TMEM144: variants seen among roughly 807,000 people sequenced by gnomAD.
TMEM144 encodes transmembrane protein 144.
TMEM144 carries 39 observed loss-of-function variants against 43.6 expected under a neutral mutation model. The observed-to-expected ratio is 0.90, with a 90% CI of 0.69 to 1.17. TMEM144 has a LOEUF of 1.17. Ranked by LOEUF, TMEM144 falls within the 50% of genes most tolerant of loss-of-function variation. The pLI, the probability that TMEM144 is intolerant of heterozygous loss-of-function variation, is 0.00. For missense variants in TMEM144, 417 were observed against 411.9 expected (o/e 1.01, Z -0.11); for synonymous variants, 154 against 133.6 (o/e 1.15, Z -1.06).
At chr4:158,235,545 A>G (rs1249899299) in intron 8 of TMEM144, 40 bp downstream of exon 8, 1 of 1,563,598 alleles carries the variant, frequency 6.4e-7, no homozygotes, top group Non-Finnish European at 8.7e-7. Context: ...ACTCTGTTTC[A>G]TATTTGGTTA....
intron 6 of TMEM144, among the ~76,000 whole-genome samples, chr4:158,228,466 G>A (rs1203372269): frequency 1.3e-5 from 2 of 152,218 alleles, no homozygotes; most frequent in African/African-American, 2.4e-5. Flanking sequence ...GAGTAGGCAA[G>A]TTACAAAGAC....
At position 158,244,564 on chromosome 4, in the gene TMEM144, G is replaced by T. The variant is rs372413611; in HGVS notation, c.954+215G>T. On this transcript the variant is annotated intron_variant, in intron 12 of 12. Coordinates refer to ENST00000296529, the MANE Select transcript of TMEM144 (RefSeq NM_018342.5). ...TGTGCACCTGTAATCCCAGCTACTT[G>T]GGAGGCTGAGGCAGAGAATTGCTTG... 8.5e-5 allele frequency among the ~76,000 whole-genome samples: 13 copies of T among 152,094 alleles called. No homozygotes were observed. In the East Asian group the frequency reaches 2.3e-3, roughly 27 times the overall value.
At chr4:158,235,692 C>T in intron 8 of TMEM144, 187 bp downstream of exon 8, 1 of 477,024 alleles carries the variant, frequency 2.1e-6, no homozygotes, top group Non-Finnish European at 3.7e-6. Flanking sequence ...CCCTTGAGCT[C>T]AACTGCTTTG....
At chr4:158,244,162 T>G (rs919802612) in intron 11 of TMEM144, 134 bp from the exon 12 acceptor site, 34 of 450,102 alleles carry the variant, frequency 7.6e-5, no homozygotes, top group Non-Finnish European at 1.2e-4. Context: ...TTTAGCTTAG[T>G]GTGGAGTTAG....
At chr4:158,252,454 A>G (rs972305261) in intron 12 of TMEM144, among the ~76,000 whole-genome samples, 1 of 152,152 alleles carries the variant, frequency 6.6e-6, no homozygotes, top group African/African-American at 2.4e-5. Context: ...TCTGTCTGCC[A>G]TCCTGCAGAA....
At chr4:158,234,798 T>C (rs1735259657) in intron 7 of TMEM144, 2 of 152,310 alleles carry the variant, frequency 1.3e-5, no homozygotes. Context: ...ATGCAGGGTT[T>C]CATCACACTA....
In TMEM144 at chr4:158,254,894, T is replaced by A. The variant is rs1236324864; in HGVS notation, c.*1367T>A. The A allele has an allele frequency of 6.6e-6, 1 of 152,196 alleles. No individual in the cohort carries two copies. The highest frequency in any genetic ancestry group is 2.4e-5 in the African/African-American group (1 of 41,464). The allele number at this position is 152,196 out of a possible 1,614,324, so 9.4% of individuals were successfully genotyped here. A position where few individuals can be genotyped will look rare whatever the true frequency, so the allele number is the denominator to read the frequency against. On this transcript the variant is annotated 3_prime_UTR_variant, in exon 13 of 13. Coordinates refer to ENST00000296529, the MANE Select transcript of TMEM144 (RefSeq NM_018342.5). ...TAAGCCCTCTGTGTCAGGCCCCTCA[T>A]TAACAAAATGGAGTTTATGATGGCA...
intron 7 of TMEM144, 163 bp from the exon 8 acceptor site, chr4:158,235,275 T>G: frequency 1.6e-6 from 1 of 621,904 alleles, no homozygotes; most frequent in East Asian, 3.0e-5. Flanking sequence ...GAGGAAACAA[T>G]TAGAAACAGT....
chr4:158,241,645 A>C, intron 11 of TMEM144, 39 bp downstream of exon 11: 1 of 1,579,134 alleles, frequency 6.3e-7, no homozygotes. Context: ...TTCATTTTAT[A>C]AATGTAAACC....
In TMEM144 at chr4:158,219,379, A is replaced by T; in HGVS notation, c.402A>T (p.Leu134=). ...NPLLNYIGAG[L]SVVSAFIFLF... ...TGCTAAATTACATTGGAGCTGGGCTATCAGTAGTAAGGTACACAGTCATTT... is the reference window on the plus strand; with the variant it reads ...TGCTAAATTACATTGGAGCTGGGCTTTCAGTAGTAAGGTACACAGTCATTT... The change falls in exon 6 of 13, where the codon CTA becomes CTT. Residue 134 remains leucine (L), a synonymous_variant. Coordinates refer to ENST00000296529, the MANE Select transcript of TMEM144 (RefSeq NM_018342.5). The T allele has an allele frequency of 6.2e-7, 1 of 1,613,874 alleles. No homozygotes were observed. Among genetic ancestry groups the T allele is most frequent in the Non-Finnish European group, 8.5e-7 (1 of 1,179,796 alleles).
chr4:158,246,458 A>G (rs1351150164), intron 12 of TMEM144, among the ~76,000 whole-genome samples: 1 of 152,234 alleles, frequency 6.6e-6, no homozygotes, highest in Non-Finnish European at 1.5e-5. Flanking sequence ...ATTTTGATTT[A>G]AAATCCATTA....
At chr4:158,216,451 A>G (rs1190593298) in intron 4 of TMEM144, among the ~76,000 whole-genome samples, 1 of 152,230 alleles carries the variant, frequency 6.6e-6, no homozygotes, top group Non-Finnish European at 1.5e-5. Flanking sequence ...TGATGGGTTC[A>G]GCTTGGCACT....
chr4:158,231,917 G>C (rs1461962548), intron 6 of TMEM144, among the ~76,000 whole-genome samples: 1 of 152,128 alleles, frequency 6.6e-6, no homozygotes, highest in Non-Finnish European at 1.5e-5. Flanking sequence ...AACCTAACTA[G>C]AGCATTTTAA....
At chr4:158,212,873 T>C in intron 3 of TMEM144, 97 bp downstream of exon 3, 1 of 943,810 alleles carries the variant, frequency 1.1e-6, no homozygotes, top group Non-Finnish European at 1.7e-6. Flanking sequence ...ATAAATCATG[T>C]TGATCTTGAT....
At chr4:158,243,477 C>T (rs111838687) in intron 11 of TMEM144, among the ~76,000 whole-genome samples, 46 of 152,172 alleles carry the variant, frequency 3.0e-4, no homozygotes, top group Admixed American at 2.8e-3. Context: ...CAGAGTTTCT[C>T]GGAGTTTGAA....
At chr4:158,252,501 AAC>A (rs112449433) in intron 12 of TMEM144, among the ~76,000 whole-genome samples, 9 of 152,270 alleles carry the variant, frequency 5.9e-5, no homozygotes, top group African/African-American at 1.9e-4. Flanking sequence ...CTGAAATTTT[AAC>A]ACAGCCAGCT....
At chr4:158,226,744 A>AC (rs1293038971) in intron 6 of TMEM144, among the ~76,000 whole-genome samples, 2 of 151,998 alleles carry the variant, frequency 1.3e-5, no homozygotes, top group Non-Finnish European at 2.9e-5. Flanking sequence ...TTTCTCTTTC[A>AC]CAACTTTCGC....
intron 10 of TMEM144, among the ~76,000 whole-genome samples, chr4:158,240,693 T>C (rs1421226186): frequency 6.6e-6 from 1 of 152,220 alleles, no homozygotes; most frequent in Non-Finnish European, 1.5e-5. Context: ...ACTAATAAGA[T>C]ATTTTCCTGT....
intron 6 of TMEM144, among the ~76,000 whole-genome samples, chr4:158,222,877 C>G (rs1310005740): frequency 1.3e-5 from 2 of 152,190 alleles, no homozygotes; most frequent in Admixed American, 6.5e-5. Flanking sequence ...GGTAAAACAT[C>G]AAGTTTCCTT....
Sources: gnomAD v4.1 joint callset for allele counts (sites outside exome capture counted in the v4.1 genomes callset) on GRCh38, gnomAD v4.1.1 for gene constraint, MANE v1.5 for transcripts, NCBI Gene and HGNC (gene_info 2026-07-23, HGNC 2026-07-21) for gene names.